Variants in XIRP2 observed in about 807,000 individuals in gnomAD.
XIRP2 encodes the protein xin actin binding repeat containing 2, also known as xin actin-binding repeat-containing protein 2.
XIRP2 carries 236 observed loss-of-function variants against 277.0 expected under a neutral mutation model. The ratio of observed to expected loss-of-function variants is 0.85; its 90% CI spans 0.77 to 0.95. The LOEUF is 0.95. Ranked by LOEUF, XIRP2 falls within the 40% of genes least tolerant of loss-of-function variation. The pLI is 0.00. For synonymous variants in XIRP2, 1,490 were observed against 1,416.5 expected, an observed-to-expected ratio of 1.05 and a Z score of -1.17; for missense variants, 4,640 against 4,157.5, an observed-to-expected ratio of 1.12 and a Z score of -3.19.
chr2:167,102,736 C>T (rs1388067500), intron 2 of XIRP2, among the ~76,000 whole-genome samples: 2 of 152,114 alleles, frequency 1.3e-5, no homozygotes, highest in African/African-American at 4.8e-5. Flanking sequence ...TGCACACATG[C>T]CTGCGTTTGC....
intron 2 of XIRP2, among the ~76,000 whole-genome samples, chr2:167,012,442 T>C (rs1001836665): frequency 1.3e-5 from 2 of 151,714 alleles, no homozygotes; most frequent in African/African-American, 4.8e-5. Flanking sequence ...TGTAAGCAAA[T>C]GATTATAATA....
At chr2:167,063,038 T>A (rs964130330) in intron 2 of XIRP2, among the ~76,000 whole-genome samples, 5 of 152,034 alleles carry the variant, frequency 3.3e-5, no homozygotes, top group Non-Finnish European at 5.9e-5. Context: ...CTTCTAACAT[T>A]GATTTGAGAC....
intron 2 of XIRP2, among the ~76,000 whole-genome samples, chr2:167,038,885 A>T (rs1220980558): frequency 2.0e-5 from 3 of 152,088 alleles, no homozygotes; most frequent in Non-Finnish European, 4.4e-5. Context: ...GGGGCCACTT[A>T]ATAAACTATT....
Position 167,090,516 on chromosome 2 carries a change from T to C in XIRP2, c.409-45393T>C, listed in dbSNP as rs1189947692. ...TGTTTGAAAATATTTTTATTTTACT[T>C]GCAAGTTGGTAAGATATTTGTCTCA... On this transcript the variant is annotated intron_variant, in intron 2 of 10. Coordinates refer to ENST00000409195, the MANE Select transcript of XIRP2 (RefSeq NM_152381.6). 1.3e-5 allele frequency among the ~76,000 whole-genome samples: 2 copies of C among 152,126 alleles called. 1 individual carries two copies. The highest frequency in any genetic ancestry group is 4.8e-5 in the African/African-American group (2 of 41,388).
chr2:166,931,315 A>G (rs116580357), intron 2 of XIRP2, among the ~76,000 whole-genome samples: 1 of 152,138 alleles, frequency 6.6e-6, no homozygotes, highest in Non-Finnish European at 1.5e-5. Context: ...TACACATTTC[A>G]TGTGTGCAGC....
intron 3 of XIRP2, among the ~76,000 whole-genome samples, chr2:167,179,993 A>T (rs776465913): frequency 2.6e-4 from 40 of 152,332 alleles, no homozygotes; most frequent in Non-Finnish European, 4.9e-4. Context: ...TTCTTCATAC[A>T]TAAATAACAG....
chr2:167,237,647 A>G (rs904828032), intron 5 of XIRP2, among the ~76,000 whole-genome samples: 1 of 152,142 alleles, frequency 6.6e-6, no homozygotes, highest in Non-Finnish European at 1.5e-5. Flanking sequence ...GTGTGGGCCA[A>G]ATAAAGCACA....
chr2:167,022,447 T>C (rs1008185813), intron 2 of XIRP2, among the ~76,000 whole-genome samples: 4 of 152,250 alleles, frequency 2.6e-5, no homozygotes, highest in African/African-American at 9.6e-5. Context: ...TATTCATTTT[T>C]TTAATTTTAT....
chr2:167,046,165 A>G (rs534553353), intron 2 of XIRP2, among the ~76,000 whole-genome samples: 19 of 152,154 alleles, frequency 1.2e-4, no homozygotes, highest in African/African-American at 4.6e-4. Flanking sequence ...CAGCTTGGAC[A>G]TTATTGGTGT....
intron 2 of XIRP2, among the ~76,000 whole-genome samples, chr2:167,058,275 C>T (rs192002466): frequency 2.0e-4 from 31 of 151,868 alleles, no homozygotes; most frequent in African/African-American, 6.0e-4. Context: ...GTTTTTTAGA[C>T]GGGGTTTCGC....
At chr2:167,041,718 G>A (rs1385504656) in intron 2 of XIRP2, among the ~76,000 whole-genome samples, 1 of 152,100 alleles carries the variant, frequency 6.6e-6, no homozygotes, top group Non-Finnish European at 1.5e-5. Context: ...ATCTCAGAAA[G>A]ACAGAGACAG....
In XIRP2 at chr2:166,897,416, C is replaced by A. The variant is rs184254647; in HGVS notation, c.-18-6049C>A. 2.0e-5 allele frequency among the ~76,000 whole-genome samples: 3 copies of A among 152,136 alleles called. No homozygotes were observed. The South Asian group carries it at 6.2e-4, about 32-fold the overall frequency. On this transcript the variant is annotated intron_variant, in intron 1 of 10. Coordinates refer to ENST00000409195, the MANE Select transcript of XIRP2 (RefSeq NM_152381.6). The stretch of plus-strand genomic sequence containing the variant: ...TGGTAATAGAGGGAATGGTGGCATG[C>A]GTCACCATCGACAATACTGAAAACA...
At chr2:167,204,452 C>G (rs530390285) in intron 3 of XIRP2, among the ~76,000 whole-genome samples, 33 of 152,310 alleles carry the variant, frequency 2.2e-4, no homozygotes, top group Non-Finnish European at 4.6e-4. Flanking sequence ...GGAGTTGTCA[C>G]AGAGCCTGGG....
At chr2:167,001,565 G>A (rs1233958117) in intron 2 of XIRP2, among the ~76,000 whole-genome samples, 5 of 152,124 alleles carry the variant, frequency 3.3e-5, no homozygotes, top group Non-Finnish European at 7.4e-5. Flanking sequence ...CTATCAGTCA[G>A]TGGTCACCCA....
chr2:167,231,812 T>C (rs138811110), intron 5 of XIRP2, among the ~76,000 whole-genome samples: 76 of 152,098 alleles, frequency 5.0e-4, no homozygotes, highest in African/African-American at 1.8e-3. Context: ...GGCAGGAGAT[T>C]ACTCCAATTT....
intron 2 of XIRP2, among the ~76,000 whole-genome samples, chr2:167,036,000 G>T (rs868622722): frequency 6.6e-5 from 10 of 152,178 alleles, no homozygotes; most frequent in South Asian, 2.1e-4. Context: ...TGACCCCTTG[G>T]GTACACAGAA....
chr2:167,016,037 C>T (rs1032486520), intron 2 of XIRP2, among the ~76,000 whole-genome samples: 3 of 151,708 alleles, frequency 2.0e-5, no homozygotes, highest in Non-Finnish European at 2.9e-5. Context: ...TATCTGGTGT[C>T]CTTTTATTCT....
chr2:167,185,544 G>A (rs1021685815), intron 3 of XIRP2, among the ~76,000 whole-genome samples: 4 of 152,016 alleles, frequency 2.6e-5, no homozygotes, highest in Non-Finnish European at 5.9e-5. Context: ...TTTTAATAAG[G>A]AGAGAGAAGG....
intron 1 of XIRP2, among the ~76,000 whole-genome samples, chr2:166,900,248 G>A (rs1684347945): frequency 6.6e-6 from 1 of 151,410 alleles, no homozygotes; most frequent in African/African-American, 2.4e-5. Context: ...CTTTCCTTTT[G>A]CCCTTTTCAT....
Sources: allele counts gnomAD v4.1 joint callset (sites outside exome capture counted in the v4.1 genomes callset), GRCh38; gene constraint gnomAD v4.1.1; transcripts MANE v1.5; gene names NCBI Gene and HGNC (gene_info 2026-07-23, HGNC 2026-07-21).